The following FER variants were observed in gnomAD, a reference collection of about 807,000 sequenced individuals.
FER encodes the protein FER tyrosine kinase.
FER carries 63 observed loss-of-function variants against 111.0 expected under a neutral mutation model. The ratio of observed to expected loss-of-function variants is 0.57; its 90% CI spans 0.46 to 0.70. The LOEUF is 0.70. Among genes scored for constraint, FER ranks in the 30% least tolerant of loss-of-function variants. The pLI is 0.00. For missense variants in FER, 914 were observed against 954.0 expected, an observed-to-expected ratio of 0.96 and a Z score of 0.55; for synonymous variants, 327 against 313.9, an observed-to-expected ratio of 1.04 and a Z score of -0.44.
At chr5:108,864,627 G>T (rs553487632) in intron 5 of FER, among the ~76,000 whole-genome samples, 36 of 152,214 alleles carry the variant, frequency 2.4e-4, no homozygotes, top group Admixed American at 1.1e-3. Flanking sequence ...CCTTTCCCCA[G>T]TGCTTGTTTT....
intron 2 of FER, among the ~76,000 whole-genome samples, chr5:108,775,597 A>G (rs1753400795): frequency 1.3e-5 from 2 of 152,184 alleles, no homozygotes; most frequent in Non-Finnish European, 2.9e-5. Flanking sequence ...CAAAGTTTTT[A>G]TTAATTGTTT....
intron 3 of FER, among the ~76,000 whole-genome samples, chr5:108,799,037 A>G (rs1756352549): frequency 6.6e-6 from 1 of 152,166 alleles, no homozygotes; most frequent in South Asian, 2.1e-4. Flanking sequence ...CACTCCCTGA[A>G]TTCTTCTGTG....
At chr5:109,100,611 A>G (rs1218862423) in intron 17 of FER, 92 bp downstream of exon 17, 9 of 1,259,488 alleles carry the variant, frequency 7.1e-6, no homozygotes, top group Non-Finnish European at 1.0e-5. Context: ...ATTTTCTTTC[A>G]TGAAACATGT....
chr5:109,138,403 G>T (rs899201070), intron 17 of FER, among the ~76,000 whole-genome samples: 1 of 152,156 alleles, frequency 6.6e-6, no homozygotes, highest in Non-Finnish European at 1.5e-5. Flanking sequence ...CCAAGGTACA[G>T]CATGGGTGGT....
chr5:108,897,836 A>G lies in FER; in HGVS notation c.1224A>G (p.Ser408=). Residue 408 remains serine (S), a synonymous_variant, in exon 10 of 20, where the codon TCA becomes TCG. Transcript: ENST00000281092. ...TAAATTATGAAGAAGATGCACGATC[A>G]GTTACATCTATGGTAAGCTAAAGAA... ...PVVNYEEDAR[S]VTSMERKERL... is the part of the protein sequence containing the mutation. 5 of 1,611,028 alleles carry G rather than the reference A, an allele frequency of 3.1e-6. No homozygotes were observed. Among genetic ancestry groups the G allele is most frequent in the Non-Finnish European group, 4.2e-6 (5 of 1,178,760 alleles).
chr5:108,963,019 A>T (rs1759335316), intron 13 of FER, among the ~76,000 whole-genome samples: 1 of 152,210 alleles, frequency 6.6e-6, no homozygotes, highest in Admixed American at 6.6e-5. Flanking sequence ...ACAAGATTTT[A>T]ATATATCAAA....
At chr5:109,107,621 A>C (rs1466426145) in intron 17 of FER, among the ~76,000 whole-genome samples, 1 of 152,074 alleles carries the variant, frequency 6.6e-6, no homozygotes, top group South Asian at 2.1e-4. Context: ...TATCATAAGG[A>C]AAGTTATGGG....
chr5:109,000,155 T>C (rs76377599), intron 13 of FER, among the ~76,000 whole-genome samples: 8,854 of 151,780 alleles, frequency 0.058, 398 homozygotes, highest in South Asian at 0.12. Flanking sequence ...ATAATATATA[T>C]ATAAGTTTAT....
chr5:108,976,125 A>G (rs541863410), intron 13 of FER, among the ~76,000 whole-genome samples: 9 of 152,280 alleles, frequency 5.9e-5, no homozygotes, highest in African/African-American at 2.2e-4. Flanking sequence ...ACAAGGGCCT[A>G]TGACAGATAA....
rs572238804 is a variant in FER, at chr5:108,993,476, C to A, written c.1656+34129C>A. Among the ~76,000 whole-genome samples the A allele has an allele frequency of 2.4e-3, 359 of 152,066 alleles. 1 individual carries two copies. The highest frequency in any genetic ancestry group is 7.2e-3 in the African/African-American group (298 of 41,432). On this transcript the variant is annotated intron_variant, in intron 13 of 19. Coordinates refer to ENST00000281092, the MANE Select transcript of FER (RefSeq NM_005246.4). ...ATCAGGCAGGGAGGATGCAGTGAGC[C>A]GAGATGGCAGCAGTACAGTCCAGCT... is the stretch of plus-strand genomic sequence containing the variant.
intron 17 of FER, among the ~76,000 whole-genome samples, chr5:109,103,943 T>C (rs1015610328): frequency 1.3e-5 from 2 of 152,250 alleles, no homozygotes; most frequent in African/African-American, 2.4e-5. Flanking sequence ...TGTTCTTTGA[T>C]ATCTTCAGAA....
At chr5:108,765,011 G>A (rs1752160798) in intron 1 of FER, among the ~76,000 whole-genome samples, 1 of 152,124 alleles carries the variant, frequency 6.6e-6, no homozygotes, top group South Asian at 2.1e-4. Context: ...CATTTGTGAA[G>A]ACAAGCATAT....
chr5:109,051,914 C>T, intron 16 of FER: 1 of 1,572,098 alleles, frequency 6.4e-7, no homozygotes, highest in Non-Finnish European at 8.8e-7. Context: ...GTGTGAACAG[C>T]ACTCAAGCTG....
At position 109,015,059 on chromosome 5, in the gene FER, C is replaced by T. The variant is rs551560838; in HGVS notation, c.1657-22363C>T. On this transcript the variant is annotated intron_variant, in intron 13 of 19. Coordinates refer to ENST00000281092, the MANE Select transcript of FER (RefSeq NM_005246.4). ...GAATTGGTGTCTTCAGAAATAATTT[C>T]AGACTCAATCTAGTTATAGAAAAAA... is the stretch of plus-strand genomic sequence containing the variant. 4 of 152,156 alleles carry T rather than the reference C, an allele frequency of 2.6e-5. No homozygotes were observed. In the East Asian group the frequency reaches 7.7e-4, roughly 29 times the overall value. The allele number at this position is 152,156 out of a possible 1,614,324, so 9.4% of individuals were successfully genotyped here. A position where few individuals can be genotyped will look rare whatever the true frequency, so the allele number is the denominator to read the frequency against.
intron 13 of FER, 105 bp downstream of exon 13, chr5:108,959,452 G>GA (rs1202173388): frequency 8.9e-7 from 1 of 1,127,150 alleles, no homozygotes; most frequent in Non-Finnish European, 1.2e-6. Context: ...TAGTAGTTCA[G>GA]AAAAAAAGTT....
In FER at chr5:109,042,807, G is replaced by T. The variant is rs115603345; in HGVS notation, c.1714-1873G>T. Reference sequence around the variant, plus strand: ...CCACAGAGGGAAAAATGTAGAAAAGGCATGACACGTATTTAGGGATCACTA... The same window carrying T: ...CCACAGAGGGAAAAATGTAGAAAAGTCATGACACGTATTTAGGGATCACTA... On this transcript the variant is annotated intron_variant, in intron 14 of 19. Coordinates refer to ENST00000281092, the MANE Select transcript of FER (RefSeq NM_005246.4). Among the ~76,000 whole-genome samples, 705 of 152,236 alleles carry T rather than the reference G, an allele frequency of 4.6e-3. 3 individuals carry two copies. The highest frequency in any genetic ancestry group is 0.016 in the African/African-American group (672 of 41,552).
intron 5 of FER, among the ~76,000 whole-genome samples, chr5:108,843,166 C>G (rs909449535): frequency 2.0e-5 from 3 of 152,194 alleles, no homozygotes; most frequent in Non-Finnish European, 4.4e-5. Flanking sequence ...GAACATAACT[C>G]AGGTTTTCCG....
At chr5:108,936,740 C>T (rs1281987782) in intron 10 of FER, among the ~76,000 whole-genome samples, 1 of 151,936 alleles carries the variant, frequency 6.6e-6, no homozygotes, top group Middle Eastern at 3.2e-3. Context: ...CTAGGCCTTT[C>T]TTGAACTTGT....
At chr5:108,957,760 A>G (rs751610235) in intron 12 of FER, among the ~76,000 whole-genome samples, 2 of 151,622 alleles carry the variant, frequency 1.3e-5, no homozygotes, top group Middle Eastern at 3.2e-3. Context: ...GTGCCAGTAC[A>G]TGTACCATAT....
Sources: gnomAD v4.1 joint callset for allele counts (sites outside exome capture counted in the v4.1 genomes callset) on GRCh38, gnomAD v4.1.1 for gene constraint, MANE v1.5 for transcripts, NCBI Gene and HGNC (gene_info 2026-07-23, HGNC 2026-07-21) for gene names.